Variants in S100Z observed in about 807,000 individuals in gnomAD.
S100Z encodes the protein S100 calcium binding protein Z.
Under a neutral mutation model 8.5 loss-of-function variants are expected in S100Z, and 11 were observed. The ratio of observed to expected loss-of-function variants is 1.30; its 90% CI spans 0.82 to 2.15. The LOEUF (loss-of-function observed/expected upper bound fraction) is 2.15, where lower values mean the gene tolerates loss of function less well. Among genes scored for constraint, S100Z ranks in the 30% most tolerant of loss-of-function variants. S100Z has a pLI of 0.00. For missense variants in S100Z, 126 were observed against 117.9 expected, an observed-to-expected ratio of 1.07 and a Z score of -0.32; for synonymous variants, 34 against 43.8, an observed-to-expected ratio of 0.78 and a Z score of 0.89.
At chr5:76,924,153 C>G (rs1228593667), downstream of S100Z, among the ~76,000 whole-genome samples, 1 of 152,134 alleles carries the variant, frequency 6.6e-6, no homozygotes, top group Non-Finnish European at 1.5e-5. Context: ...TGTTTGATTC[C>G]CAAAGAGAAT....
At chr5:76,930,498 G>T in the S100Z span, among the ~76,000 whole-genome samples, 2 of 152,180 alleles carry the variant, frequency 1.3e-5, no homozygotes, top group Non-Finnish European at 2.9e-5. Context: ...ACATCTCACA[G>T]TGTGGGTTTC....
chr5:76,860,412 T>G, intron 1 of S100Z, among the ~76,000 whole-genome samples: 1 of 152,196 alleles, frequency 6.6e-6, no homozygotes, highest in Admixed American at 6.5e-5. Flanking sequence ...GAGCTATAGA[T>G]AGAGTGAGGA....
chr5:76,863,688 G>C (rs187828301), intron 1 of S100Z, among the ~76,000 whole-genome samples: 5 of 151,760 alleles, frequency 3.3e-5, no homozygotes, highest in African/African-American at 1.2e-4. Flanking sequence ...ACAGGCACCC[G>C]CCACCACACC....
intron 4 of S100Z, among the ~76,000 whole-genome samples, chr5:76,888,257 A>G (rs1429701437): frequency 1.3e-5 from 2 of 150,468 alleles, no homozygotes; most frequent in Admixed American, 6.6e-5. Context: ...ACTCCATCTC[A>G]AAAAAAAGAA....
the S100Z span, among the ~76,000 whole-genome samples, chr5:76,931,415 T>A: frequency 6.6e-6 from 1 of 152,198 alleles, no homozygotes; most frequent in Non-Finnish European, 1.5e-5. Context: ...GACTGGCTCC[T>A]CTTTCTCTTC....
chr5:76,905,332 G>A lies in S100Z; in HGVS notation c.*3-15385G>A, dbSNP rs553892123. On this transcript the variant is annotated intron_variant, in intron 4 of 4. Transcript: ENST00000317593. ...ACTACAGGCACATACCACTGTGCCC[G>A]GCTTATTTCTTGAAAATTTTTTTAC... Among the ~76,000 whole-genome samples, 4 of 152,008 alleles carry A rather than the reference G, an allele frequency of 2.6e-5. No homozygotes were observed. The East Asian group carries it at 5.8e-4, about 22-fold the overall frequency.
chr5:76,925,789 A>G (rs1399450506), downstream of S100Z, among the ~76,000 whole-genome samples: 1 of 152,110 alleles, frequency 6.6e-6, no homozygotes, highest in African/African-American at 2.4e-5. Flanking sequence ...TAACATGGTG[A>G]AACCCCATCT....
the S100Z span, among the ~76,000 whole-genome samples, chr5:76,943,100 G>A: frequency 2.0e-5 from 3 of 152,114 alleles, no homozygotes; most frequent in Non-Finnish European, 4.4e-5. Context: ...ACAGTGGGGG[G>A]GTTCTGTCTT....
the S100Z span, among the ~76,000 whole-genome samples, chr5:76,940,098 A>C: frequency 9.4e-5 from 14 of 148,696 alleles, no homozygotes; most frequent in African/African-American, 3.2e-4. Context: ...CGGAGGTTGC[A>C]GTGAGCCGAG....
chr5:76,866,899 A>G (rs543584035), intron 1 of S100Z, among the ~76,000 whole-genome samples: 4 of 152,340 alleles, frequency 2.6e-5, no homozygotes, highest in African/African-American at 9.6e-5. Flanking sequence ...CAGCATATGT[A>G]TAATTTCTAC....
At chr5:76,950,338 A>G in the S100Z span, among the ~76,000 whole-genome samples, 1 of 152,210 alleles carries the variant, frequency 6.6e-6, no homozygotes, top group African/African-American at 2.4e-5. Flanking sequence ...CAGCCTGTGG[A>G]GGCTCTGCCA....
chr5:76,887,422 A>C (rs11958194), intron 4 of S100Z, among the ~76,000 whole-genome samples: 8,358 of 100,350 alleles, frequency 0.083, 1,038 homozygotes, highest in African/African-American at 0.29. Context: ...TTTTTCTGAG[A>C]TGAGGTCTCG....
intron 2 of S100Z, among the ~76,000 whole-genome samples, chr5:76,872,495 C>G (rs550309924): frequency 1.3e-5 from 2 of 151,690 alleles, no homozygotes; most frequent in South Asian, 2.1e-4. Flanking sequence ...GACCCCATAT[C>G]TACAAAAATA....
chr5:76,862,271 T>C (rs1751080312), intron 1 of S100Z, among the ~76,000 whole-genome samples: 2 of 152,026 alleles, frequency 1.3e-5, no homozygotes, highest in African/African-American at 4.8e-5. Flanking sequence ...GGTTGGGGCA[T>C]AAGCAAGGAA....
At chr5:76,887,680 G>A (rs368744011) in intron 4 of S100Z, among the ~76,000 whole-genome samples, 275 of 152,264 alleles carry the variant, frequency 1.8e-3, no homozygotes, top group African/African-American at 6.2e-3. Context: ...TTACAGGCAC[G>A]AGCCACTGTG....
chr5:76,890,949 G>A (rs1288512746), intron 4 of S100Z, among the ~76,000 whole-genome samples: 11 of 152,070 alleles, frequency 7.2e-5, no homozygotes, highest in African/African-American at 2.4e-4. Flanking sequence ...TGCAACCTTC[G>A]CCTCTGGGTT....
At chr5:76,938,528 T>A in the S100Z span, among the ~76,000 whole-genome samples, 1 of 152,206 alleles carries the variant, frequency 6.6e-6, no homozygotes, top group African/African-American at 2.4e-5. Context: ...AGCCTTCACT[T>A]GGGGGCATCA....
rs937439612 is a variant in S100Z, at chr5:76,859,784, A to AAAAAG, written c.-176+9630_-176+9631insAAAGA. 2.0e-3 allele frequency among the ~76,000 whole-genome samples: 299 copies of AAAAAG among 150,328 alleles called. 3 individuals are homozygous for AAAAAG. The highest frequency in any genetic ancestry group is 7.2e-3 in the African/African-American group (292 of 40,448). On this transcript the variant is annotated intron_variant, in intron 1 of 4. Coordinates refer to ENST00000317593, the MANE Select transcript of S100Z (RefSeq NM_130772.4). Reference sequence around the variant, plus strand: ...CAACAGAGCCAAAAAAAAAAAAAAAAAGAAATAAGAAAATGAGAAGCCTTC... The same window carrying AAAAAG: ...CAACAGAGCCAAAAAAAAAAAAAAAAAAAAGAGAAATAAGAAAATGAGAAGCCTTC...
Position 76,921,586 on chromosome 5 carries a change from G to C in S100Z, c.*872G>C, listed in dbSNP as rs79012110. On this transcript the variant is annotated 3_prime_UTR_variant, in exon 5 of 5. Transcript: ENST00000317593. ...ATGACACTGGATATTCAAAAACCAC[G>C]ATGTCCTTTTACTTGAAGATTTTAA... 1 of 152,118 alleles carries C rather than the reference G, an allele frequency of 6.6e-6. No individual in the cohort carries two copies. Among genetic ancestry groups the C allele is most frequent in the African/African-American group, 2.4e-5 (1 of 41,416 alleles). The allele number at this position is 152,118 out of a possible 1,614,324, so 9.4% of individuals were successfully genotyped here.
Sources: gnomAD v4.1 joint callset for allele counts (sites outside exome capture counted in the v4.1 genomes callset) on GRCh38, gnomAD v4.1.1 for gene constraint, MANE v1.5 for transcripts, NCBI Gene and HGNC (gene_info 2026-07-23, HGNC 2026-07-21) for gene names.